Variants in XRCC5 observed in about 807,000 individuals in gnomAD.
XRCC5 encodes the protein X-ray repair cross complementing 5, also known as DNA repair protein Ku80.
A neutral mutation model predicts 95.7 loss-of-function variants in XRCC5; 12 were observed. The ratio of observed to expected loss-of-function variants is 0.13; its 90% confidence interval spans 0.08 to 0.20. The LOEUF is 0.20. Ranked by LOEUF, XRCC5 falls within the 10% of genes least tolerant of loss-of-function variation. The pLI, the probability that XRCC5 is intolerant of heterozygous loss-of-function variation, is 1.00. For missense variants in XRCC5, 595 were observed against 873.9 expected (o/e 0.68, Z 4.02); for synonymous variants, 281 against 290.3 (o/e 0.97, Z 0.33).
chr2:216,201,042 A>G (rs766240348), intron 19 of XRCC5, among the ~76,000 whole-genome samples: 3 of 152,212 alleles, frequency 2.0e-5, no homozygotes, highest in African/African-American at 4.8e-5. Context: ...CCCCTAAGAT[A>G]GGTATGGTAA....
At position 216,148,221 on chromosome 2, in the gene XRCC5, C is replaced by T; in HGVS notation, c.1615C>T (p.Leu539=). The change falls in exon 14 of 21, where the codon CTG becomes TTG. Residue 539 remains leucine (L), a synonymous_variant. Transcript: ENST00000392132. ...PLSKIKTLFP[L]IEAKKKDQVT... is the part of the protein sequence containing the mutation. Reference sequence around the variant, plus strand: ...CTCTAAAATAAAGACCCTTTTTCCTCTGATTGAAGCCAAGAAAAAGGATCA... The same window carrying T: ...CTCTAAAATAAAGACCCTTTTTCCTTTGATTGAAGCCAAGAAAAAGGATCA... 6.2e-7 allele frequency: 1 copy of T among 1,613,526 alleles called. No homozygotes were observed. Among genetic ancestry groups the T allele is most frequent in the African/African-American group, 1.3e-5 (1 of 74,922 alleles).
intron 18 of XRCC5, among the ~76,000 whole-genome samples, chr2:216,194,363 A>G (rs369401866): frequency 6.6e-6 from 1 of 152,234 alleles, no homozygotes; most frequent in Non-Finnish European, 1.5e-5. Context: ...ATAAAGACTT[A>G]TAAGACTTAG....
At chr2:216,197,410 A>T (rs1163722549) in intron 19 of XRCC5, among the ~76,000 whole-genome samples, 1 of 144,786 alleles carries the variant, frequency 6.9e-6, no homozygotes, top group Non-Finnish European at 1.5e-5. Context: ...GCGCCATTGC[A>T]CTCCAGCCTG....
chr2:216,165,756 T>C (rs1403443968), intron 16 of XRCC5, among the ~76,000 whole-genome samples: 2 of 152,184 alleles, frequency 1.3e-5, no homozygotes, highest in Admixed American at 6.5e-5. Flanking sequence ...CAGCGATAGA[T>C]AGTTGGTAAG....
chr2:216,150,515 G>T (rs1688721691), intron 14 of XRCC5, among the ~76,000 whole-genome samples: 1 of 152,178 alleles, frequency 6.6e-6, no homozygotes. Flanking sequence ...TACACATCTA[G>T]GCTATGTGGT....
chr2:216,112,978 C>T (rs41296930), intron 1 of XRCC5, 38 bp from the exon 2 acceptor site: 2 of 1,515,604 alleles, frequency 1.3e-6, no homozygotes, highest in Admixed American at 3.5e-5. Context: ...TTTCTTACGA[C>T]TTATTTTCTC....
chr2:216,184,987 G>A (rs1037877495), intron 16 of XRCC5, among the ~76,000 whole-genome samples: 3 of 152,106 alleles, frequency 2.0e-5, no homozygotes, highest in Admixed American at 6.5e-5. Flanking sequence ...TACTGGGTTC[G>A]GCATGAGAGA....
At chr2:216,142,398 T>C (rs1697186723) in intron 13 of XRCC5, among the ~76,000 whole-genome samples, 1 of 152,060 alleles carries the variant, frequency 6.6e-6, no homozygotes, top group Non-Finnish European at 1.5e-5. Flanking sequence ...ACAGAAAATA[T>C]AAAAAATCTT....
chr2:216,111,234 G>C (rs1388386225), intron 1 of XRCC5, among the ~76,000 whole-genome samples: 1 of 152,062 alleles, frequency 6.6e-6, no homozygotes, highest in Non-Finnish European at 1.5e-5. Flanking sequence ...CAAATATCTG[G>C]GGGGAGGCCA....
In XRCC5 at chr2:216,121,988, T is replaced by A. The variant is rs41299766; in HGVS notation, c.492-74T>A. On this transcript the variant is annotated intron_variant, in intron 5 of 20. Transcript: ENST00000392132. Reference sequence around the variant, plus strand: ...TGAAACTTGAAAAGGTTGACTGATGTGCTCATTTTCTCATAGCTGATGAGT... The same window carrying A: ...TGAAACTTGAAAAGGTTGACTGATGAGCTCATTTTCTCATAGCTGATGAGT... 1.1e-5 allele frequency: 15 copies of A among 1,321,964 alleles called. No homozygotes were observed. In the Admixed American group the frequency reaches 1.9e-4, roughly 17 times the overall value. 81.9% of individuals were successfully genotyped at this position (1,321,964 alleles called of 1,614,324 possible).
chr2:216,187,849 TCTCTCTCTC>T (rs1689532843), intron 16 of XRCC5, among the ~76,000 whole-genome samples: 1 of 136,390 alleles, frequency 7.3e-6, no homozygotes, highest in African/African-American at 3.1e-5. Flanking sequence ...TCTCTCTCTC[TCTCTCTCTC>T]TCTCCCCGTC....
At position 216,148,247 on chromosome 2, in the gene XRCC5, A is replaced by G; in HGVS notation, c.1641A>G (p.Gln547=). The change falls in exon 14 of 21, where the codon CAA becomes CAG. Residue 547 remains glutamine (Q), a synonymous_variant. Coordinates refer to ENST00000392132, the MANE Select transcript of XRCC5 (RefSeq NM_021141.4). ...FPLIEAKKKD[Q]VTAQEIFQDN... ...TGATTGAAGCCAAGAAAAAGGATCA[A>G]GTGACTGCTCAGGAAATTTTCCAAG... The G allele has an allele frequency of 6.2e-7, 1 of 1,611,530 alleles. No homozygotes were observed. Among genetic ancestry groups the G allele is most frequent in the Non-Finnish European group, 8.5e-7 (1 of 1,179,440 alleles).
chr2:216,159,591 C>A (rs1688911347), intron 14 of XRCC5, among the ~76,000 whole-genome samples: 1 of 152,010 alleles, frequency 6.6e-6, no homozygotes, highest in Admixed American at 6.6e-5. Flanking sequence ...TAAACAGAGG[C>A]TTATAAAGCT....
In XRCC5 at chr2:216,174,371, A is replaced by G. The variant is rs140131753; in HGVS notation, c.1834+12323A>G. On this transcript the variant is annotated intron_variant, in intron 16 of 20. Coordinates refer to ENST00000392132, the MANE Select transcript of XRCC5 (RefSeq NM_021141.4). ...TTCCCCTTGAGCTGCAAGTCAGCAT[A>G]TGTTTCTTTATAGTTAACTTTAGCA... is the stretch of plus-strand genomic sequence containing the variant. 7.3e-4 allele frequency among the ~76,000 whole-genome samples: 111 copies of G among 152,358 alleles called. 1 individual carries two copies. The highest frequency in any genetic ancestry group is 1.4e-3 in the Non-Finnish European group (92 of 68,036).
At chr2:216,151,666 TG>T (rs1381868995) in intron 14 of XRCC5, among the ~76,000 whole-genome samples, 7 of 152,326 alleles carry the variant, frequency 4.6e-5, no homozygotes, top group African/African-American at 1.7e-4. Context: ...GAGCAGTGTA[TG>T]CTGTTCACTC....
chr2:216,198,339 C>T (rs1410282270), intron 19 of XRCC5, among the ~76,000 whole-genome samples: 2 of 152,064 alleles, frequency 1.3e-5, no homozygotes, highest in Non-Finnish European at 2.9e-5. Flanking sequence ...TAGAGTAGAC[C>T]CTGTAATTTT....
At chr2:216,129,443 A>G (rs1696947466) in intron 8 of XRCC5, among the ~76,000 whole-genome samples, 2 of 152,256 alleles carry the variant, frequency 1.3e-5, no homozygotes, top group Admixed American at 6.5e-5. Context: ...TTGGAGTTAT[A>G]TGCCATTTCA....
intron 19 of XRCC5, among the ~76,000 whole-genome samples, chr2:216,199,799 G>A (rs1689799537): frequency 7.1e-6 from 1 of 140,456 alleles, no homozygotes; most frequent in Admixed American, 7.6e-5. Context: ...TTATCCCCAT[G>A]GCATTGGGAT....
chr2:216,191,516 T>G (rs1689612204), intron 17 of XRCC5, among the ~76,000 whole-genome samples: 1 of 152,018 alleles, frequency 6.6e-6, no homozygotes, highest in South Asian at 2.1e-4. Flanking sequence ...GCTCAAGCGA[T>G]TCTCCTGCCT....
Sources: gnomAD v4.1 joint callset for allele counts (sites outside exome capture counted in the v4.1 genomes callset) on GRCh38, gnomAD v4.1.1 for gene constraint, MANE v1.5 for transcripts, NCBI Gene and HGNC (gene_info 2026-07-23, HGNC 2026-07-21) for gene names.